The following TFDP1 variants were observed in gnomAD, a reference collection of about 807,000 sequenced individuals.
TFDP1 encodes the protein transcription factor Dp-1.
Under a neutral mutation model 48.0 loss-of-function variants are expected in TFDP1, and 6 were observed. The observed-to-expected ratio is 0.13, with a 90% CI of 0.07 to 0.25. The LOEUF is 0.25. Among genes scored for constraint, TFDP1 ranks in the 10% least tolerant of loss-of-function variants. The pLI, the probability that TFDP1 is intolerant of heterozygous loss-of-function variation, is 1.00. For missense variants in TFDP1, 335 were observed against 543.0 expected, an observed-to-expected ratio of 0.62 and a Z score of 3.81; for synonymous variants, 201 against 211.6, an observed-to-expected ratio of 0.95 and a Z score of 0.44.
At chr13:113,612,401 C>T (rs568847359) in intron 3 of TFDP1, among the ~76,000 whole-genome samples, 13 of 152,302 alleles carry the variant, frequency 8.5e-5, no homozygotes, top group East Asian at 3.9e-4. Context: ...CCTTCCCTGC[C>T]GCTTTTCTAG....
At chr13:113,609,961 C>A (rs140657992) in intron 2 of TFDP1, among the ~76,000 whole-genome samples, 103 of 152,330 alleles carry the variant, frequency 6.8e-4, no homozygotes, top group Middle Eastern at 3.4e-3. Flanking sequence ...GCTTTTCCTT[C>A]GCAGAGCCCG....
intron 2 of TFDP1, among the ~76,000 whole-genome samples, chr13:113,588,928 GTGA>G (rs2048073665): frequency 6.6e-6 from 1 of 151,874 alleles, no homozygotes; most frequent in African/African-American, 2.4e-5. Flanking sequence ...AGTGAGTGTG[GTGA>G]TGGTGTTGTG....
rs184913751 is a variant in TFDP1 at position 113,598,757 on chromosome 13, A to T, written c.13-12239A>T. Among the ~76,000 whole-genome samples the T allele has an allele frequency of 6.6e-6, 1 of 152,014 alleles. No individual in the cohort carries two copies. The highest frequency in any genetic ancestry group is 1.5e-5 in the Non-Finnish European group (1 of 68,000). ...CGTTCTCTGCCCCTACGTGGCTCAC[A>T]CTGTGGTTCTGTGGCCGCCGTCCCT... On this transcript the variant is annotated intron_variant, in intron 2 of 11. Coordinates refer to ENST00000375370, the MANE Select transcript of TFDP1 (RefSeq NM_007111.5). This position sits in a 1 kb window ranked among gnomAD's most constrained non-coding sequence, Gnocchi z 4.2.
At chr13:113,637,736 T>G in intron 10 of TFDP1, 82 bp from the exon 11 acceptor site, 1 of 1,611,624 alleles carries the variant, frequency 6.2e-7, no homozygotes, top group Non-Finnish European at 8.5e-7. Flanking sequence ...CCTGTGGAAC[T>G]GCGCGTCATT....
At chr13:113,617,579 CTCACCTGCAGAGCCCT>C (rs1423941614) in intron 3 of TFDP1, among the ~76,000 whole-genome samples, 6,095 of 147,194 alleles carry the variant, frequency 0.041, 581 homozygotes, top group African/African-American at 0.13. Flanking sequence ...TGCAGAGCCG[CTCACCTGCAGAGCCCT>C]TCACCTGCAG....
chr13:113,634,689 C>A, intron 8 of TFDP1, 87 bp downstream of exon 8: 1 of 966,900 alleles, frequency 1.0e-6, no homozygotes, highest in Non-Finnish European at 1.6e-6. Context: ...TTGGGTTACA[C>A]TCCTGCATGG....
intron 3 of TFDP1, among the ~76,000 whole-genome samples, chr13:113,618,121 G>A (rs1309178780): frequency 6.6e-6 from 1 of 152,222 alleles, no homozygotes; most frequent in African/African-American, 2.4e-5. Context: ...ATGTGACTCA[G>A]CTTGTCCCTG....
At chr13:113,640,091 G>T in intron 11 of TFDP1, 29 bp from the exon 12 acceptor site, 1 of 1,557,036 alleles carries the variant, frequency 6.4e-7, no homozygotes, top group South Asian at 1.2e-5. Flanking sequence ...CGCCTGCACT[G>T]ACGGCGCCAT....
chr13:113,613,731 TGA>T (rs1421880740), intron 3 of TFDP1, among the ~76,000 whole-genome samples: 1 of 115,508 alleles, frequency 8.7e-6, no homozygotes, highest in Non-Finnish European at 1.7e-5. Context: ...AGTGTGTGCA[TGA>T]GTGTGTCTGT....
chr13:113,596,218 A>G (rs1594416538), intron 2 of TFDP1, among the ~76,000 whole-genome samples: 4 of 152,242 alleles, frequency 2.6e-5, no homozygotes. Flanking sequence ...AACCCAAATT[A>G]TATTTTGCAG....
At chr13:113,613,626 A>C (rs111701293) in intron 3 of TFDP1, among the ~76,000 whole-genome samples, 1 of 139,522 alleles carries the variant, frequency 7.2e-6, no homozygotes, top group Non-Finnish European at 1.6e-5. Context: ...GTATGTGAGG[A>C]GTGTGTGTGC....
chr13:113,618,469 T>C (rs1043644699), intron 3 of TFDP1, among the ~76,000 whole-genome samples: 2 of 152,160 alleles, frequency 1.3e-5, no homozygotes, highest in African/African-American at 4.8e-5. Flanking sequence ...TGCAGTGAGC[T>C]GAGATTCTAC....
intron 8 of TFDP1, among the ~76,000 whole-genome samples, chr13:113,634,941 G>A (rs2140624713): frequency 6.6e-6 from 1 of 152,212 alleles, no homozygotes; most frequent in East Asian, 1.9e-4. Context: ...GTGCATACAT[G>A]TGTATGTGTG....
chr13:113,620,505 C>T (rs2048971626), intron 3 of TFDP1, among the ~76,000 whole-genome samples: 1 of 152,184 alleles, frequency 6.6e-6, no homozygotes. Context: ...AATGAATCAA[C>T]TACATATTCT....
rs1306975563 is a variant in TFDP1 at position 113,637,577 on chromosome 13, G to A, written c.1007-241G>A. 6 of 1,506,128 alleles carry A rather than the reference G, an allele frequency of 4.0e-6. No homozygotes were observed. The Admixed American group carries it at 8.0e-5, about 20-fold the overall frequency. The allele number at this position is 1,506,128 out of a possible 1,614,324, so 93.3% of individuals were successfully genotyped here. A position where few individuals can be genotyped will look rare whatever the true frequency, so the allele number is the denominator to read the frequency against. ...GCACACGTGTGCCGTTTGTAAGTCA[G>A]TGTGTGCAGGTATTTATTGCAAGGC... On this transcript the variant is annotated intron_variant, in intron 10 of 11. Coordinates refer to ENST00000375370, the MANE Select transcript of TFDP1 (RefSeq NM_007111.5).
At chr13:113,631,860 A>T in intron 5 of TFDP1, 116 bp downstream of exon 5, 1 of 1,392,406 alleles carries the variant, frequency 7.2e-7, no homozygotes, top group Non-Finnish European at 9.7e-7. Context: ...ACGCGCGTTG[A>T]CGCCAGCCTC....
intron 10 of TFDP1, 23 bp downstream of exon 10, chr13:113,636,723 G>C (rs1466882502): frequency 6.2e-7 from 1 of 1,607,724 alleles, no homozygotes; most frequent in Admixed American, 1.7e-5. Flanking sequence ...CAGACAACCT[G>C]GCGTGGCTGT....
At chr13:113,617,433 C>T (rs1594481093) in intron 3 of TFDP1, among the ~76,000 whole-genome samples, 2 of 152,072 alleles carry the variant, frequency 1.3e-5, no homozygotes, top group African/African-American at 2.4e-5. Flanking sequence ...CATGCAGAGC[C>T]GCTCACCTGC....
Position 113,626,040 on chromosome 13 carries a change from G to A in TFDP1, c.186+2754G>A, listed in dbSNP as rs201656320. Among the ~76,000 whole-genome samples the A allele has an allele frequency of 5.4e-4, 63 of 116,998 alleles. 1 individual carries two copies. The highest frequency in any genetic ancestry group is 1.7e-3 in the African/African-American group (43 of 25,866). 76.8% of individuals were successfully genotyped at this position (116,998 alleles called of 152,430 possible). A position where few individuals can be genotyped will look rare whatever the true frequency, so the allele number is the denominator to read the frequency against. On this transcript the variant is annotated intron_variant, in intron 4 of 11. Coordinates refer to ENST00000375370, the MANE Select transcript of TFDP1 (RefSeq NM_007111.5). ...ACGTGTCCTCAGGTGTCTCTCACGC[G>A]TCCTCAGGTGTCTCTCACATGTCCT...
Sources: gnomAD v4.1 joint callset for allele counts (sites outside exome capture counted in the v4.1 genomes callset) on GRCh38, gnomAD v4.1.1 for gene constraint, Gnocchi (gnomAD v3.1) non-coding constraint, MANE v1.5 for transcripts, NCBI Gene and HGNC (gene_info 2026-07-23, HGNC 2026-07-21) for gene names.